The following EPM2A variants were observed in gnomAD, a reference collection of about 807,000 sequenced individuals.
EPM2A encodes EPM2A glucan phosphatase, laforin.
EPM2A carries 21 observed loss-of-function variants against 26.5 expected under a neutral mutation model. The observed-to-expected ratio is 0.79, with a 90% CI of 0.56 to 1.14. The LOEUF (loss-of-function observed/expected upper bound fraction) is 1.14. EPM2A is among the 50% of genes most tolerant of loss of function. EPM2A has a pLI of 0.00. For missense variants in EPM2A, 458 were observed against 440.8 expected (o/e 1.04, Z -0.35); for synonymous variants, 217 against 177.6 (o/e 1.22, Z -1.76).
intron 2 of EPM2A, among the ~76,000 whole-genome samples, chr6:145,581,283 G>A (rs1423322108): frequency 6.6e-6 from 1 of 152,000 alleles, no homozygotes; most frequent in African/African-American, 2.4e-5. Flanking sequence ...ATGTTTGTTG[G>A]CTGCGTGTAT....
intron 2 of EPM2A, among the ~76,000 whole-genome samples, chr6:145,568,223 ACT>A (rs753215032): frequency 6.6e-6 from 1 of 151,808 alleles, no homozygotes; most frequent in African/African-American, 2.4e-5. Flanking sequence ...GGCCAATGAA[ACT>A]CTCTGTTTCA....
downstream of EPM2A, among the ~76,000 whole-genome samples, chr6:145,623,715 G>A (rs527986492): frequency 6.6e-6 from 1 of 152,140 alleles, no homozygotes; most frequent in African/African-American, 2.4e-5. Flanking sequence ...TTTTGATAGA[G>A]GAAGGGGCTG....
chr6:145,538,465 A>T (rs380433), intron 2 of EPM2A, among the ~76,000 whole-genome samples: 67,399 of 151,618 alleles, frequency 0.44, 14,936 homozygotes, highest in South Asian at 0.58. Context: ...CTCTCCATCC[A>T]ATCTCTCCCT....
intron 2 of EPM2A, among the ~76,000 whole-genome samples, chr6:145,680,397 T>C (rs955952329): frequency 2.0e-5 from 3 of 151,450 alleles, no homozygotes; most frequent in African/African-American, 7.3e-5. Context: ...TATTTTATTT[T>C]ATTATCATTA....
intron 2 of EPM2A, chr6:145,639,514 ACCACCTTGGACCACCAGTCCAAGGTCT>A (rs1776933185): frequency 6.6e-6 from 1 of 152,180 alleles, no homozygotes; most frequent in African/African-American, 2.4e-5. Flanking sequence ...TTCCAGAACC[ACCACCTTGGACCACCAGTCCAAGGTCT>A]CCATATGCAT....
chr6:145,678,277 G>C (rs1780221742), intron 2 of EPM2A, among the ~76,000 whole-genome samples: 1 of 151,664 alleles, frequency 6.6e-6, no homozygotes, highest in Non-Finnish European at 1.5e-5. Context: ...TTAAATGTTA[G>C]ACCTAAAACC....
At chr6:145,501,833 T>A in exon 4 of EPM2A, 1 of 471,130 alleles carries the variant, frequency 2.1e-6, no homozygotes, top group South Asian at 1.5e-5. Context: ...TAATCCAGAA[T>A]CCCAAGGCCA....
intron 4 of EPM2A, among the ~76,000 whole-genome samples, chr6:145,467,516 A>AT (rs1312481916): frequency 1.3e-5 from 2 of 152,082 alleles, no homozygotes; most frequent in Admixed American, 6.6e-5. Context: ...TACACTATGT[A>AT]TTTTTTAATG....
At position 145,384,384 on chromosome 6, in the gene EPM2A, T is replaced by C. The variant is rs1351550819; in HGVS notation, c.556-287A>G. Among the ~76,000 whole-genome samples the C allele has an allele frequency of 5.8e-5, 7 of 120,638 alleles. 2 individuals are homozygous for C. In the East Asian group the frequency reaches 1.5e-3, roughly 27 times the overall value. 79.1% of individuals were successfully genotyped at this position (120,638 alleles called of 152,430 possible). The stretch of plus-strand genomic sequence containing the variant: ...GCCTCTGAGACACAGGGTTATTTTT[T>C]AGTGATAATCATGGGATCAACACCT... On this transcript the variant is annotated intron_variant, in intron 4 of 4. Coordinates refer to the EPM2A transcript ENST00000638717.
chr6:145,413,700 T>C (rs1778672417), intron 4 of EPM2A, among the ~76,000 whole-genome samples: 1 of 152,220 alleles, frequency 6.6e-6, no homozygotes, highest in Admixed American at 6.5e-5. Flanking sequence ...GAATGTCTTT[T>C]CTTATATTGA....
intron 1 of EPM2A, among the ~76,000 whole-genome samples, chr6:145,690,740 A>G (rs1257108685): frequency 1.3e-5 from 2 of 152,112 alleles, no homozygotes; most frequent in African/African-American, 4.8e-5. Flanking sequence ...GTAACCCATT[A>G]GAACACATTT....
intron 3 of EPM2A, chr6:145,632,039 A>G (rs983007069): frequency 6.6e-6 from 1 of 152,186 alleles, no homozygotes; most frequent in African/African-American, 2.4e-5. Flanking sequence ...AAAGACTTGG[A>G]ACTAATCCTA....
intron 2 of EPM2A, among the ~76,000 whole-genome samples, chr6:145,611,973 A>G (rs1477279303): frequency 6.6e-6 from 1 of 152,202 alleles, no homozygotes; most frequent in Non-Finnish European, 1.5e-5. Context: ...AATCAAGTCA[A>G]CATATAGGCA....
chr6:145,670,080 C>T (rs556541220), intron 2 of EPM2A, among the ~76,000 whole-genome samples: 1 of 152,144 alleles, frequency 6.6e-6, no homozygotes, highest in Non-Finnish European at 1.5e-5. Context: ...CTTGCTTACA[C>T]ACAGATTTTG....
chr6:145,564,777 G>A (rs992470553), intron 2 of EPM2A, among the ~76,000 whole-genome samples: 1 of 151,680 alleles, frequency 6.6e-6, no homozygotes, highest in Non-Finnish European at 1.5e-5. Context: ...ATATGGTGGG[G>A]GGGGGCAGGG....
chr6:145,444,608 G>A (rs1229950897), intron 4 of EPM2A, among the ~76,000 whole-genome samples: 1 of 152,130 alleles, frequency 6.6e-6, no homozygotes. Flanking sequence ...GAATGAGTTG[G>A]GGATGAGTCC....
intron 2 of EPM2A, among the ~76,000 whole-genome samples, chr6:145,678,161 A>G (rs1213843800): frequency 6.6e-6 from 1 of 152,224 alleles, no homozygotes; most frequent in Non-Finnish European, 1.5e-5. Flanking sequence ...CAAACCTGAC[A>G]AAAGCAAGAA....
intron 1 of EPM2A, among the ~76,000 whole-genome samples, chr6:145,727,736 TGC>T (rs1776282947): frequency 6.6e-6 from 1 of 152,236 alleles, no homozygotes; most frequent in Admixed American, 6.5e-5. Flanking sequence ...CATTGTTAGC[TGC>T]CTACCTAAAA....
Position 145,675,476 on chromosome 6 carries a change from A to C in EPM2A, c.476+10646T>G, listed in dbSNP as rs573683851. Among the ~76,000 whole-genome samples the C allele has an allele frequency of 1.8e-4, 28 of 152,332 alleles. 1 individual carries two copies. The South Asian group carries it at 5.6e-3, about 30-fold the overall frequency. ...TAAATGGGCTAAATGCCTCAATTAA[A>C]AGACACAGACTGGCAAATTAGATAA... On this transcript the variant is annotated intron_variant, in intron 2 of 3. Transcript: ENST00000367519.
Sources: gnomAD v4.1 joint callset for allele counts (sites outside exome capture counted in the v4.1 genomes callset) on GRCh38, gnomAD v4.1.1 for gene constraint, MANE v1.5 for transcripts, NCBI Gene and HGNC (gene_info 2026-07-23, HGNC 2026-07-21) for gene names.